The following SDK1 variants were observed in gnomAD, a reference collection of about 807,000 sequenced individuals.
SDK1 encodes the protein sidekick cell adhesion molecule 1, also known as protein sidekick-1.
In SDK1, 157 loss-of-function variants were observed where a neutral mutation model predicts 245.5. The observed-to-expected ratio is 0.64, with a 90% confidence interval of 0.56 to 0.73. The LOEUF (loss-of-function observed/expected upper bound fraction) is 0.73, where lower values mean the gene tolerates loss of function less well. Among genes scored for constraint, SDK1 ranks in the 30% least tolerant of loss-of-function variants. SDK1 has a pLI of 0.00. For missense variants in SDK1, 3,583 were observed against 3,002.3 expected (o/e 1.19, Z -4.52); for synonymous variants, 1,647 against 1,278.5 (o/e 1.29, Z -6.15).
chr7:4,085,720 A>G (rs1241140600), intron 22 of SDK1, among the ~76,000 whole-genome samples: 1 of 151,624 alleles, frequency 6.6e-6, no homozygotes, highest in Non-Finnish European at 1.5e-5. Flanking sequence ...ACGCCTGGCT[A>G]ATTTTTGTAT....
At chr7:4,229,555 G>T (rs1312012132) in intron 40 of SDK1, among the ~76,000 whole-genome samples, 1 of 152,122 alleles carries the variant, frequency 6.6e-6, no homozygotes, top group South Asian at 2.1e-4. Context: ...TGGCCTTTAG[G>T]TGATGGTACA....
At chr7:3,714,568 G>A (rs777733442) in intron 4 of SDK1, among the ~76,000 whole-genome samples, 18 of 152,136 alleles carry the variant, frequency 1.2e-4, no homozygotes, top group Non-Finnish European at 1.9e-4. Context: ...GGTGATATTA[G>A]CATTACTACA....
chr7:3,422,346 C>T (rs1275201410), intron 1 of SDK1, among the ~76,000 whole-genome samples: 1 of 152,042 alleles, frequency 6.6e-6, no homozygotes, highest in Admixed American at 6.6e-5. Context: ...GAGTGAAAAC[C>T]TCATAGGAAA....
In SDK1 at chr7:4,265,177, C is replaced by A. The variant is rs1238300485; in HGVS notation, c.6435C>A (p.His2145Gln). The change falls in exon 45 of 45, where the codon CAC becomes CAA. Residue 2145 changes from histidine to glutamine, a missense_variant. Coordinates refer to ENST00000404826, the MANE Select transcript of SDK1 (RefSeq NM_152744.4). ...DALPKHSFVN[H>Q]YMSDPTYYNS... ...TGCCCAAGCACTCCTTCGTGAACCA[C>A]TACATGAGCGACCCCACCTACTACA... 1 of 1,612,404 alleles carries A rather than the reference C, an allele frequency of 6.2e-7. No individual in the cohort carries two copies. The highest frequency in any genetic ancestry group is 8.5e-7 in the Non-Finnish European group (1 of 1,179,666).
chr7:4,129,836 C>A, intron 26 of SDK1, 72 bp from the exon 27 acceptor site: 1 of 1,594,968 alleles, frequency 6.3e-7, no homozygotes, highest in Non-Finnish European at 8.5e-7. Context: ...ACGAAGGGGG[C>A]CTGCCCCATG....
chr7:3,455,637 G>T lies in SDK1; in HGVS notation c.298+153753G>T, dbSNP rs544038504. On this transcript the variant is annotated intron_variant, in intron 1 of 44. Coordinates refer to ENST00000404826, the MANE Select transcript of SDK1 (RefSeq NM_152744.4). ...CTTCTCTACTCTGTTCCATTGATCT[G>T]TGTGACTCTTCCTCCACCGATACCA... Among the ~76,000 whole-genome samples, 6 of 152,092 alleles carry T rather than the reference G, an allele frequency of 3.9e-5. No individual in the cohort carries two copies. The South Asian group carries it at 1.0e-3, about 26-fold the overall frequency.
At chr7:3,305,277 G>A (rs1292747783) in intron 1 of SDK1, among the ~76,000 whole-genome samples, 1 of 152,226 alleles carries the variant, frequency 6.6e-6, no homozygotes, top group Non-Finnish European at 1.5e-5. Context: ...TTGGTTCTCA[G>A]AAGCATGCAT....
In SDK1 at chr7:3,582,077, TC is replaced by T. The variant is rs1203785420; in HGVS notation, c.299-37000del. ...CAGGTAGGCCTGTCTCAGGTAGGTCTCCCTCAGGTAGGCCTGTCTCAGGTAG... is the reference window on the plus strand; with the variant it reads ...CAGGTAGGCCTGTCTCAGGTAGGTCTCCTCAGGTAGGCCTGTCTCAGGTAG... On this transcript the variant is annotated intron_variant, in intron 1 of 44. Transcript: ENST00000404826. 2.1e-5 allele frequency among the ~76,000 whole-genome samples: 3 copies of T among 145,644 alleles called. No individual in the cohort carries two copies. The East Asian group carries it at 6.1e-4, about 30-fold the overall frequency.
rs1245252628 is a variant in SDK1 at position 3,301,790 on chromosome 7, C to T, written c.204C>T (p.Cys68=). Residue 68 remains cysteine (C), a synonymous_variant, in exon 1 of 45, where the codon TGC becomes TGT. Coordinates refer to ENST00000404826, the MANE Select transcript of SDK1 (RefSeq NM_152744.4). ...GGGACACGGCGGGCGCGGGGCGGTG[C>T]GGCGGGCGGCGGGCGGCAAAGTTGG... is the stretch of plus-strand genomic sequence containing the variant. The part of the protein sequence containing the change: ...SGGDTAGAGR[C]GGRRAAKLGP... The T allele has an allele frequency of 1.3e-5, 13 of 1,014,296 alleles. No homozygotes were observed. The highest frequency in any genetic ancestry group is 3.5e-5 in the African/African-American group (2 of 57,026). 62.8% of individuals were successfully genotyped at this position (1,014,296 alleles called of 1,614,324 possible).
At chr7:3,891,547 C>G (rs1179079591) in intron 5 of SDK1, among the ~76,000 whole-genome samples, 1 of 152,172 alleles carries the variant, frequency 6.6e-6, no homozygotes, top group Non-Finnish European at 1.5e-5. Flanking sequence ...TTTTTAATCT[C>G]TTTGATTCCG....
At chr7:3,875,523 A>G (rs1471727530) in intron 5 of SDK1, among the ~76,000 whole-genome samples, 3 of 152,242 alleles carry the variant, frequency 2.0e-5, no homozygotes, top group Non-Finnish European at 2.9e-5. Context: ...TCGTGTGTCA[A>G]GCTGGCTCTC....
At chr7:3,587,798 G>C (rs1462919320) in intron 1 of SDK1, among the ~76,000 whole-genome samples, 1 of 152,214 alleles carries the variant, frequency 6.6e-6, no homozygotes, top group Non-Finnish European at 1.5e-5. Flanking sequence ...GTGTTATCTA[G>C]CTTTCCATGG....
intron 5 of SDK1, among the ~76,000 whole-genome samples, chr7:3,854,924 G>A (rs759606442): frequency 6.6e-6 from 1 of 152,168 alleles, no homozygotes; most frequent in Non-Finnish European, 1.5e-5. Context: ...AGGAGACACT[G>A]AGAGCAGGGT....
At chr7:3,962,589 A>G (rs1781785370) in intron 8 of SDK1, 68 bp from the exon 9 acceptor site, 2 of 1,333,946 alleles carry the variant, frequency 1.5e-6, no homozygotes, top group South Asian at 2.9e-5. Context: ...AGCCTTTGAA[A>G]CAGATGTGCT....
At chr7:3,575,798 C>T (rs545024746) in intron 1 of SDK1, among the ~76,000 whole-genome samples, 5 of 152,086 alleles carry the variant, frequency 3.3e-5, no homozygotes, top group African/African-American at 1.2e-4. Flanking sequence ...CATTGAAACG[C>T]AAAACACAAT....
chr7:4,040,178 G>A (rs1416597134), intron 17 of SDK1, among the ~76,000 whole-genome samples: 1 of 152,182 alleles, frequency 6.6e-6, no homozygotes, highest in Non-Finnish European at 1.5e-5. Flanking sequence ...GGCGTGTTCT[G>A]ATTGGATCTT....
intron 20 of SDK1, among the ~76,000 whole-genome samples, chr7:4,074,916 A>ATATATT (rs1434239449): frequency 5.6e-4 from 36 of 64,598 alleles, no homozygotes; most frequent in Non-Finnish European, 7.8e-4. Context: ...ATATATATAT[A>ATATATT]TTTTTTTTTT....
chr7:3,884,534 C>G (rs1254157254), intron 5 of SDK1, among the ~76,000 whole-genome samples: 1 of 152,194 alleles, frequency 6.6e-6, no homozygotes, highest in Non-Finnish European at 1.5e-5. Context: ...CACTGAGTCT[C>G]AGGGAGATTA....
chr7:3,926,277 G>A (rs1469953635), intron 5 of SDK1, among the ~76,000 whole-genome samples: 1 of 150,622 alleles, frequency 6.6e-6, no homozygotes, highest in Non-Finnish European at 1.5e-5. Context: ...GAAATCACTG[G>A]GGCTGTCATG....
Sources: gnomAD v4.1 joint callset for allele counts (sites outside exome capture counted in the v4.1 genomes callset) on GRCh38, gnomAD v4.1.1 for gene constraint, MANE v1.5 for transcripts, NCBI Gene and HGNC (gene_info 2026-07-23, HGNC 2026-07-21) for gene names.